Variants in MYO10 observed in about 807,000 individuals in gnomAD.
MYO10 encodes the protein myosin X.
In MYO10, 133 loss-of-function variants were observed where a neutral mutation model predicts 257.3. That is an observed-to-expected ratio of 0.52 (90% CI 0.45 to 0.60). The LOEUF (loss-of-function observed/expected upper bound fraction) is 0.60. Ranked by LOEUF, MYO10 falls within the 20% of genes least tolerant of loss-of-function variation. MYO10 has a pLI of 0.00. For synonymous variants in MYO10, 1,104 were observed against 1,028.6 expected (o/e 1.07, Z -1.40); for missense variants, 2,399 against 2,635.7 (o/e 0.91, Z 1.97).
intron 19 of MYO10, among the ~76,000 whole-genome samples, chr5:16,743,230 AG>A (rs1452258461): frequency 6.6e-6 from 1 of 152,156 alleles, no homozygotes; most frequent in Non-Finnish European, 1.5e-5. Flanking sequence ...GAGGAGTGAA[AG>A]GGGCTGACAA....
At chr5:16,893,200 A>C (rs999823566) in intron 1 of MYO10, among the ~76,000 whole-genome samples, 20 of 142,280 alleles carry the variant, frequency 1.4e-4, no homozygotes, top group South Asian at 2.2e-4. Flanking sequence ...CTGTCTCAAA[A>C]AAAAAAAAAA....
At chr5:16,708,812 C>G (rs911944161) in intron 21 of MYO10, among the ~76,000 whole-genome samples, 2 of 152,178 alleles carry the variant, frequency 1.3e-5, no homozygotes, top group South Asian at 2.1e-4. Flanking sequence ...ATCCTTCTGC[C>G]TCAGCCTCCC....
intron 39 of MYO10, among the ~76,000 whole-genome samples, chr5:16,669,339 G>A (rs375442206): frequency 4.6e-5 from 7 of 151,894 alleles, no homozygotes; most frequent in Non-Finnish European, 2.9e-5. Context: ...TCAGCCTCTC[G>A]AGTAGCTGGG....
intron 19 of MYO10, among the ~76,000 whole-genome samples, chr5:16,724,847 T>C (rs971501374): frequency 1.3e-5 from 2 of 152,202 alleles, no homozygotes; most frequent in African/African-American, 4.8e-5. Flanking sequence ...ACAGCTCTCC[T>C]GAGGAAGACC....
chr5:16,780,673 A>C, intron 7 of MYO10, 55 bp downstream of exon 7: 2 of 1,546,186 alleles, frequency 1.3e-6, no homozygotes, highest in South Asian at 2.4e-5. Context: ...CAAACCAATA[A>C]TTTCTGAAAA....
chr5:16,736,105 G>C (rs1410136354), intron 19 of MYO10, among the ~76,000 whole-genome samples: 1 of 152,176 alleles, frequency 6.6e-6, no homozygotes, highest in Non-Finnish European at 1.5e-5. Flanking sequence ...TTGCATCCAG[G>C]CCAGTTGCTA....
At chr5:16,797,366 A>G (rs563599514) in intron 3 of MYO10, among the ~76,000 whole-genome samples, 7 of 152,222 alleles carry the variant, frequency 4.6e-5, no homozygotes, top group Admixed American at 1.3e-4. Context: ...CATTCTGGAT[A>G]AGGGTTACTC....
chr5:16,745,253 T>C (rs548508494), intron 19 of MYO10, among the ~76,000 whole-genome samples: 5 of 152,226 alleles, frequency 3.3e-5, no homozygotes, highest in Admixed American at 2.6e-4. Flanking sequence ...GGCAAGAGAA[T>C]TGCTTGAACC....
At chr5:16,797,047 T>C (rs1217408725) in intron 3 of MYO10, among the ~76,000 whole-genome samples, 2 of 152,172 alleles carry the variant, frequency 1.3e-5, no homozygotes, top group African/African-American at 2.4e-5. Flanking sequence ...TACCATATTA[T>C]AGCAATTTGT....
intron 29 of MYO10, among the ~76,000 whole-genome samples, chr5:16,684,523 T>C (rs952363255): frequency 6.6e-6 from 1 of 152,234 alleles, no homozygotes; most frequent in Non-Finnish European, 1.5e-5. Flanking sequence ...GGATTACAGG[T>C]CTGAGCTTCC....
chr5:16,816,098 T>C (rs1002913091), intron 3 of MYO10, among the ~76,000 whole-genome samples: 1 of 150,336 alleles, frequency 6.7e-6, no homozygotes, highest in African/African-American at 2.4e-5. Flanking sequence ...ATCCCAGCAC[T>C]TTGGGAGGCC....
At chr5:16,858,120 T>C (rs527469525) in intron 2 of MYO10, among the ~76,000 whole-genome samples, 1 of 152,326 alleles carries the variant, frequency 6.6e-6, no homozygotes, top group South Asian at 2.1e-4. Flanking sequence ...CTACCTGCTG[T>C]GAACGCAGTC....
At chr5:16,772,463 CAT>C (rs1185023580) in intron 9 of MYO10, among the ~76,000 whole-genome samples, 1 of 152,110 alleles carries the variant, frequency 6.6e-6, no homozygotes, top group African/African-American at 2.4e-5. Flanking sequence ...AAATTATGCA[CAT>C]GATATAGAGG....
intron 3 of MYO10, among the ~76,000 whole-genome samples, chr5:16,816,340 A>G (rs1262932213): frequency 2.6e-4 from 38 of 147,930 alleles, no homozygotes; most frequent in Non-Finnish European, 4.8e-4. Flanking sequence ...TCTGTCTCAA[A>G]AAAAAAAAAA....
rs33919452 is a variant in MYO10 at position 16,679,524 on chromosome 5, G to GTTTTTTTTTTTTTTTTTTTTTTT, written c.4542+422_4542+423insAAAAAAAAAAAAAAAAAAAAAAA. 9.4e-4 allele frequency among the ~76,000 whole-genome samples: 115 copies of GTTTTTTTTTTTTTTTTTTTTTTT among 122,642 alleles called. 4 individuals carry two copies. Among genetic ancestry groups the GTTTTTTTTTTTTTTTTTTTTTTT allele is most frequent in the African/African-American group, 2.5e-3 (78 of 31,076 alleles). The allele number at this position is 122,642 out of a possible 152,430, so 80.5% of individuals were successfully genotyped here. ...TTAACCAAGCGCTAGTTTTTTGGGT[G>GTTTTTTTTTTTTTTTTTTTTTTT]TTTTTTTTTTTTTTTTTTGAGACGA... is the stretch of plus-strand genomic sequence containing the variant. On this transcript the variant is annotated intron_variant, in intron 33 of 40. Transcript: ENST00000513610.
intron 9 of MYO10, among the ~76,000 whole-genome samples, chr5:16,771,743 C>T (rs1459192308): frequency 1.3e-5 from 2 of 151,462 alleles, no homozygotes; most frequent in Non-Finnish European, 2.9e-5. Flanking sequence ...ACACACCTGG[C>T]TAAATTTTTG....
intron 1 of MYO10, among the ~76,000 whole-genome samples, chr5:16,889,478 A>AGAAG (rs151266743): frequency 0.083 from 10,926 of 131,372 alleles, 504 homozygotes; most frequent in South Asian, 0.093. Context: ...AAGAAAAGAA[A>AGAAG]GAAGGAAGGA....
chr5:16,676,181 G>T (rs536428601), intron 33 of MYO10, 27 bp from the exon 34 acceptor site: 9 of 1,608,454 alleles, frequency 5.6e-6, no homozygotes, highest in South Asian at 3.3e-5. Flanking sequence ...CAAGCTTATT[G>T]TAAGAAACCT....
rs1736023180 is a variant in MYO10 at position 16,662,626 on chromosome 5, C to G, written c.*4066G>C. Reference sequence around the variant, plus strand: ...CGTGAGCCAGCATGCCTGGCTGAAACTATTTTTACAGAGAACTTAGGTGGT... The same window carrying G: ...CGTGAGCCAGCATGCCTGGCTGAAAGTATTTTTACAGAGAACTTAGGTGGT... On this transcript the variant is annotated 3_prime_UTR_variant, in exon 41 of 41. Coordinates refer to ENST00000513610, the MANE Select transcript of MYO10 (RefSeq NM_012334.3). 1 of 152,014 alleles carries G rather than the reference C, an allele frequency of 6.6e-6. No individual in the cohort carries two copies. Among genetic ancestry groups the G allele is most frequent in the Admixed American group, 6.6e-5 (1 of 15,248 alleles). 9.4% of individuals were successfully genotyped at this position (152,014 alleles called of 1,614,324 possible).
Sources: gnomAD v4.1 joint callset for allele counts (sites outside exome capture counted in the v4.1 genomes callset) on GRCh38, gnomAD v4.1.1 for gene constraint, MANE v1.5 for transcripts, NCBI Gene and HGNC (gene_info 2026-07-23, HGNC 2026-07-21) for gene names.